The following ZNF704 variants were observed in gnomAD, a reference collection of about 807,000 sequenced individuals.
ZNF704 encodes zinc finger protein 704, also known as glucocorticoid induced gene 1.
Under a neutral mutation model 44.7 loss-of-function variants are expected in ZNF704, and 10 were observed. The ratio of observed to expected loss-of-function variants is 0.22; its 90% CI spans 0.14 to 0.38. The LOEUF (loss-of-function observed/expected upper bound fraction) is 0.38. Ranked by LOEUF, ZNF704 falls within the 10% of genes least tolerant of loss-of-function variation. ZNF704 has a pLI of 1.00. For missense variants in ZNF704, 390 were observed against 545.5 expected (o/e 0.71, Z 2.84); for synonymous variants, 211 against 207.6 (o/e 1.02, Z -0.14).
rs1806860807 is a variant in ZNF704, at chr8:80,747,145, C to T, written c.222-54038G>A. Among the ~76,000 whole-genome samples, 2 of 152,020 alleles carry T rather than the reference C, an allele frequency of 1.3e-5. 1 individual carries two copies. The highest frequency in any genetic ancestry group is 4.2e-4 in the South Asian group (2 of 4,816). Reference sequence around the variant, plus strand: ...GGTACTTGAATAAATTGTTTTTAATCATATGGGACCAATTCTGACTTCCAG... The same window carrying T: ...GGTACTTGAATAAATTGTTTTTAATTATATGGGACCAATTCTGACTTCCAG... On this transcript the variant is annotated intron_variant, in intron 2 of 8. Coordinates refer to ENST00000327835, the MANE Select transcript of ZNF704 (RefSeq NM_001033723.3).
chr8:80,803,095 C>T (rs1334983019), intron 2 of ZNF704, among the ~76,000 whole-genome samples: 3 of 151,906 alleles, frequency 2.0e-5, no homozygotes, highest in African/African-American at 4.8e-5. Flanking sequence ...TTCACAATTG[C>T]TACAAAAAAA....
At chr8:80,730,185 AAAG>A (rs1260816885) in intron 2 of ZNF704, among the ~76,000 whole-genome samples, 2 of 152,210 alleles carry the variant, frequency 1.3e-5, no homozygotes, top group Non-Finnish European at 2.9e-5. Context: ...TTTACAGTTA[AAAG>A]AAGAAACACG....
chr8:80,825,048 T>C (rs1271973430), intron 1 of ZNF704, among the ~76,000 whole-genome samples: 1 of 152,170 alleles, frequency 6.6e-6, no homozygotes, highest in Non-Finnish European at 1.5e-5. Flanking sequence ...AACATCATAA[T>C]GACAGGATCA....
intron 3 of ZNF704, 21 bp downstream of exon 3, chr8:80,692,983 A>C: frequency 6.2e-7 from 1 of 1,611,760 alleles, no homozygotes. Context: ...CCCTTCCCTA[A>C]GTCCCATATC....
intron 2 of ZNF704, among the ~76,000 whole-genome samples, chr8:80,780,216 G>T (rs1348388231): frequency 6.6e-6 from 1 of 152,112 alleles, no homozygotes; most frequent in Non-Finnish European, 1.5e-5. Flanking sequence ...GAAAGAGAAA[G>T]AAATGGAAAA....
intron 2 of ZNF704, among the ~76,000 whole-genome samples, chr8:80,740,797 A>C (rs1405434881): frequency 6.6e-6 from 1 of 152,258 alleles, no homozygotes; most frequent in East Asian, 1.9e-4. Flanking sequence ...CCAAGGGTTC[A>C]GGGATAGCCC....
intron 2 of ZNF704, among the ~76,000 whole-genome samples, chr8:80,791,226 T>C (rs1224859913): frequency 6.6e-6 from 1 of 152,206 alleles, no homozygotes; most frequent in African/African-American, 2.4e-5. Context: ...TTTCACTTTT[T>C]GGGCAGAAGA....
intron 2 of ZNF704, among the ~76,000 whole-genome samples, chr8:80,816,888 G>C (rs1187000294): frequency 6.6e-6 from 1 of 152,102 alleles, no homozygotes; most frequent in Non-Finnish European, 1.5e-5. Flanking sequence ...AGAAAGTAGT[G>C]CTTTTCCCTT....
At chr8:80,744,092 T>G (rs948384059) in intron 2 of ZNF704, among the ~76,000 whole-genome samples, 3 of 152,184 alleles carry the variant, frequency 2.0e-5, no homozygotes, top group Non-Finnish European at 4.4e-5. Context: ...AAACACCAGA[T>G]TTCTAAGATG....
At chr8:80,688,364 G>C (rs1475291247) in intron 3 of ZNF704, among the ~76,000 whole-genome samples, 1 of 152,196 alleles carries the variant, frequency 6.6e-6, no homozygotes, top group Non-Finnish European at 1.5e-5. Flanking sequence ...AAATAGTAAT[G>C]CCTTACATTT....
Position 80,631,656 on chromosome 8 carries a change from G to A in ZNF704, c.*9710C>T, listed in dbSNP as rs1160787170. 2 of 152,232 alleles carry A rather than the reference G, an allele frequency of 1.3e-5. No individual in the cohort carries two copies. Among genetic ancestry groups the A allele is most frequent in the Admixed American group, 6.5e-5 (1 of 15,284 alleles). 9.4% of individuals were successfully genotyped at this position (152,232 alleles called of 1,614,324 possible). ...GTTGGTGACTTGCACGGCGGGCTTT[G>A]AGGCACAGTGAAAGGATTAGCTATC... On this transcript the variant is annotated 3_prime_UTR_variant, in exon 9 of 9. Coordinates refer to ENST00000327835, the MANE Select transcript of ZNF704 (RefSeq NM_001033723.3).
intron 2 of ZNF704, among the ~76,000 whole-genome samples, chr8:80,756,167 A>C (rs937393741): frequency 2.0e-5 from 3 of 152,064 alleles, no homozygotes; most frequent in African/African-American, 7.2e-5. Flanking sequence ...CAAAGAACAC[A>C]TGTCGCTGCA....
At chr8:80,788,905 G>T (rs547655537) in intron 2 of ZNF704, among the ~76,000 whole-genome samples, 1 of 152,198 alleles carries the variant, frequency 6.6e-6, no homozygotes, top group East Asian at 1.9e-4. Flanking sequence ...ACTAACCACT[G>T]CCCATTTTTC....
intron 1 of ZNF704, among the ~76,000 whole-genome samples, chr8:80,848,197 A>G (rs147507189): frequency 3.0e-4 from 46 of 152,368 alleles, no homozygotes; most frequent in African/African-American, 1.1e-3. Flanking sequence ...ACAAAATCAT[A>G]GAAATGGAAA....
chr8:80,742,186 T>C (rs144034350), intron 2 of ZNF704, among the ~76,000 whole-genome samples: 4,062 of 152,202 alleles, frequency 0.027, 104 homozygotes, highest in Non-Finnish European at 0.033. Flanking sequence ...CAAGCGGATA[T>C]TGAAGCCAAA....
chr8:80,643,485 C>T (rs990738408), intron 7 of ZNF704, among the ~76,000 whole-genome samples: 1 of 141,566 alleles, frequency 7.1e-6, no homozygotes, highest in Admixed American at 7.3e-5. Flanking sequence ...CCACTGCACT[C>T]CAGCCTGGGT....
intron 1 of ZNF704, among the ~76,000 whole-genome samples, chr8:80,863,036 T>C (rs902335906): frequency 1.3e-5 from 2 of 151,786 alleles, no homozygotes; most frequent in African/African-American, 2.4e-5. Context: ...CAGTTGTCCA[T>C]TTCCCCCCCT....
rs191343355 is a variant in ZNF704, at chr8:80,786,033, G to A, written c.221+35341C>T. On this transcript the variant is annotated intron_variant, in intron 2 of 8. Transcript: ENST00000327835. The stretch of plus-strand genomic sequence containing the variant: ...CCAGCACTTTGGGAGGCTGAGGCAG[G>A]TGGATTGCTCAAGCCCAGGAGTTTG... 1.5e-3 allele frequency among the ~76,000 whole-genome samples: 236 copies of A among 152,292 alleles called. 1 individual carries two copies. Among genetic ancestry groups the A allele is most frequent in the African/African-American group, 5.5e-3 (227 of 41,576 alleles).
At chr8:80,828,782 A>G (rs1042468333) in intron 1 of ZNF704, among the ~76,000 whole-genome samples, 1 of 152,224 alleles carries the variant, frequency 6.6e-6, no homozygotes, top group African/African-American at 2.4e-5. Context: ...AAATTCTCAG[A>G]CTAAAGGAAA....
Sources: gnomAD v4.1 joint callset for allele counts (sites outside exome capture counted in the v4.1 genomes callset) on GRCh38, gnomAD v4.1.1 for gene constraint, MANE v1.5 for transcripts, NCBI Gene and HGNC (gene_info 2026-07-23, HGNC 2026-07-21) for gene names.